Variants in PAM16 observed in about 807,000 individuals in gnomAD.
PAM16 encodes the protein presequence translocase associated motor 16, also known as mitochondrial import inner membrane translocase subunit TIM16.
PAM16 carries 11 observed loss-of-function variants against 17.9 expected under a neutral mutation model. The observed-to-expected ratio is 0.62, with a 90% CI of 0.39 to 1.02. The LOEUF is 1.02. Ranked by LOEUF, PAM16 falls within the 50% of genes least tolerant of loss-of-function variation. PAM16 has a pLI of 0.01. For synonymous variants in PAM16, 72 were observed against 67.4 expected (o/e 1.07, Z -0.34); for missense variants, 199 against 165.4 (o/e 1.20, Z -1.11).
At position 4,340,416 on chromosome 16, in the gene PAM16, A is replaced by G. The variant is rs759643354; in HGVS notation, c.292-11T>C. On this transcript the variant is annotated splice_polypyrimidine_tract_variant and intron_variant, in intron 4 of 4. Transcript: ENST00000318059. ...CTTTGCGCGGACCACCTAGTGGGTC[A>G]CGGATAATCAGGCCGGGAGGCCAAG... The G allele has an allele frequency of 6.2e-7, 1 of 1,609,768 alleles. No homozygotes were observed. The highest frequency in any genetic ancestry group is 8.5e-7 in the Non-Finnish European group (1 of 1,178,692).
chr16:4,346,219 C>T (rs1441873589), intron 1 of PAM16, among the ~76,000 whole-genome samples: 3 of 152,188 alleles, frequency 2.0e-5, no homozygotes, highest in East Asian at 1.9e-4. Flanking sequence ...TCTGAGAAGA[C>T]GCAGTGTAGT....
At chr16:4,350,116 T>C (rs867880986) in intron 1 of PAM16, among the ~76,000 whole-genome samples, 10 of 151,976 alleles carry the variant, frequency 6.6e-5, no homozygotes, top group Middle Eastern at 3.4e-3. Flanking sequence ...ACTTTTTTTT[T>C]CCCCCTCTTT....
At chr16:4,347,146 A>C (rs2053771074) in intron 1 of PAM16, 3 of 152,114 alleles carry the variant, frequency 2.0e-5, no homozygotes, top group African/African-American at 7.2e-5. Context: ...GAGTAGCTGG[A>C]GCTACTTGTA....
intron 1 of PAM16, chr16:4,347,459 G>C (rs779353530): frequency 6.6e-6 from 1 of 152,194 alleles, no homozygotes; most frequent in Non-Finnish European, 1.5e-5. Context: ...TTTCTTAACT[G>C]CAAGATGGAG....
chr16:4,342,093 G>A (rs2053657258), intron 2 of PAM16, among the ~76,000 whole-genome samples: 1 of 152,268 alleles, frequency 6.6e-6, no homozygotes, highest in South Asian at 2.1e-4. Context: ...GCTCACGCCT[G>A]TAATCCCAGC....
intron 1 of PAM16, 124 bp downstream of exon 1, chr16:4,351,108 G>A (rs1030884535): frequency 1.1e-5 from 5 of 462,442 alleles, no homozygotes; most frequent in African/African-American, 2.1e-5. Flanking sequence ...CCCAGACCAT[G>A]CTTCCCGCCG....
At chr16:4,341,604 G>A (rs546187081) in intron 2 of PAM16, 100 bp from the exon 3 acceptor site, 1 of 1,482,010 alleles carries the variant, frequency 6.7e-7, no homozygotes, top group Admixed American at 2.1e-5. Context: ...CACAGGATGA[G>A]AGACACAGGG....
intron 1 of PAM16, among the ~76,000 whole-genome samples, chr16:4,349,158 T>C (rs1342914612): frequency 3.3e-5 from 5 of 150,892 alleles, no homozygotes; most frequent in Admixed American, 6.6e-5. Context: ...GGTTTCACCA[T>C]GTTAGCCAGG....
intron 4 of PAM16, 92 bp downstream of exon 4, chr16:4,340,828 T>C (rs1596247081): frequency 4.0e-6 from 6 of 1,514,276 alleles, no homozygotes; most frequent in African/African-American, 1.4e-5. Context: ...GCCAAGCCCT[T>C]AGCTGGCCAG....
At chr16:4,345,859 G>T (rs2053750205) in intron 1 of PAM16, 3 of 985,278 alleles carry the variant, frequency 3.0e-6, no homozygotes, top group Non-Finnish European at 3.6e-6. Flanking sequence ...GGTGCTGTCT[G>T]AAGGACAGAG....
rs778249254 is a variant in PAM16, at chr16:4,351,225, G to A, written c.3+7C>T. The A allele has an allele frequency of 1.5e-5, 21 of 1,448,056 alleles. 1 individual carries two copies. The African/African-American group carries it at 2.0e-4, about 14-fold the overall frequency. 89.7% of individuals were successfully genotyped at this position (1,448,056 alleles called of 1,614,324 possible). On this transcript the variant is annotated splice_region_variant and intron_variant, in intron 1 of 4. Coordinates refer to ENST00000318059, the MANE Select transcript of PAM16 (RefSeq NM_016069.11). ...CCCTCCCCGGTAGCGCCCGACTCGG[G>A]GCTCACCATGGCAGCCGCTCTGCCT...
intron 2 of PAM16, among the ~76,000 whole-genome samples, chr16:4,342,841 C>T (rs1287481248): frequency 6.6e-6 from 1 of 151,960 alleles, no homozygotes; most frequent in African/African-American, 2.4e-5. Context: ...TGCTTGTATT[C>T]CCAGCTACTC....
intron 2 of PAM16, chr16:4,341,792 C>G (rs2053652643): frequency 8.8e-6 from 4 of 453,638 alleles, no homozygotes; most frequent in African/African-American, 1.9e-5. Flanking sequence ...CCCCCATATC[C>G]CAGGGGAACA....
chr16:4,343,214 C>G lies in PAM16; in HGVS notation c.81G>C (p.Glu27Asp), dbSNP rs954393257. The G allele has an allele frequency of 1.9e-6, 3 of 1,612,818 alleles. No individual in the cohort carries two copies. Among genetic ancestry groups the G allele is most frequent in the Non-Finnish European group, 2.5e-6 (3 of 1,179,962 alleles). ...GRAFARALRQEFAASRAAADA... is the reference protein window; with the variant it reads ...GRAFARALRQDFAASRAAADA... Reference sequence around the variant, plus strand: ...AGACGGACCCATGCTTACCTGCAAACTCCTGCCGCAAGGCCCGTGCAAAGG... The same window carrying G: ...AGACGGACCCATGCTTACCTGCAAAGTCCTGCCGCAAGGCCCGTGCAAAGG... Residue 27 changes from glutamate to aspartate, a missense_variant, in exon 2 of 5, where the codon GAG (glutamate) becomes GAC (aspartate). Coordinates refer to ENST00000318059, the MANE Select transcript of PAM16 (RefSeq NM_016069.11).
intron 1 of PAM16, among the ~76,000 whole-genome samples, chr16:4,349,117 G>A (rs962773858): frequency 5.9e-5 from 9 of 151,860 alleles, no homozygotes; most frequent in African/African-American, 1.5e-4. Flanking sequence ...CACCACACCC[G>A]GCTAATTTTT....
rs758345773 is a variant in PAM16 at position 4,341,452 on chromosome 16, G to A, written c.141C>T (p.Ala47=). ...ARGRAGHRSA[A]ASNLSGLSLQ... ...GGCTGAGGCCGGAGAGGTTGGAAGC[G>A]GCTGCAGACCGGTGTCCAGCGCGTC... is the stretch of plus-strand genomic sequence containing the variant. Residue 47 remains alanine (A), a synonymous_variant, in exon 3 of 5, where the codon GCC becomes GCT. Transcript: ENST00000318059. The A allele has an allele frequency of 4.3e-5, 69 of 1,609,518 alleles. No individual in the cohort carries two copies. In the Middle Eastern group the frequency reaches 8.3e-4, roughly 19 times the overall value.
chr16:4,341,625 A>G, intron 2 of PAM16, 121 bp from the exon 3 acceptor site: 1 of 1,439,814 alleles, frequency 6.9e-7, no homozygotes. Context: ...ACAGGTGGCT[A>G]GGAGCTGCCT....
intron 1 of PAM16, among the ~76,000 whole-genome samples, chr16:4,348,892 G>C (rs2053800325): frequency 6.7e-6 from 1 of 150,346 alleles, no homozygotes; most frequent in Non-Finnish European, 1.5e-5. Context: ...CCTGAGCTCA[G>C]GTAATCCACC....
At chr16:4,349,125 T>C (rs974218653) in intron 1 of PAM16, among the ~76,000 whole-genome samples, 14 of 151,992 alleles carry the variant, frequency 9.2e-5, no homozygotes, top group Non-Finnish European at 1.9e-4. Flanking sequence ...CCGGCTAATT[T>C]TTTGTATTTT....
Sources: allele counts gnomAD v4.1 joint callset (sites outside exome capture counted in the v4.1 genomes callset), GRCh38; gene constraint gnomAD v4.1.1; transcripts MANE v1.5; gene names NCBI Gene and HGNC (gene_info 2026-07-23, HGNC 2026-07-21).